Variants in MFHAS1 observed in about 807,000 individuals in gnomAD.
MFHAS1 encodes malignant fibrous histiocytoma-amplified sequence 1.
Under a neutral mutation model 70.4 loss-of-function variants are expected in MFHAS1, and 50 were observed. That is an observed-to-expected ratio of 0.71 (90% CI 0.57 to 0.90). MFHAS1 has a LOEUF of 0.90. MFHAS1 is among the 40% of genes least tolerant of loss of function. The probability of loss-of-function intolerance (pLI) is 0.00; values close to 1 mark genes in which losing one functional copy is unlikely to be tolerated. For missense variants in MFHAS1, 1,795 were observed against 1,347.6 expected, an observed-to-expected ratio of 1.33 and a Z score of -5.20; for synonymous variants, 952 against 620.0, an observed-to-expected ratio of 1.54 and a Z score of -7.96.
rs1431408598 is a variant in MFHAS1, at chr8:8,890,533, A to T, written c.2526T>A (p.Asn842Lys). The T allele has an allele frequency of 6.2e-7, 1 of 1,613,552 alleles. No homozygotes were observed. Among genetic ancestry groups the T allele is most frequent in the Non-Finnish European group, 8.5e-7 (1 of 1,180,048 alleles). ...CLNKPKGKPL[N>K]GSTAWYKFPC... ...GGAACTTGTACCAAGCTGTGGACCC[A>T]TTCAAAGGCTTGCCCTTGGGTTTAT... Residue 842 changes from asparagine to lysine, a missense_variant, in exon 1 of 3, where the codon AAT (asparagine) becomes AAA (lysine). Physicochemically the swap from Asn to Lys is moderately conservative, Grantham distance 94 (BLOSUM62 0). Transcript: ENST00000276282.
In MFHAS1 at chr8:8,784,404, T is replaced by A. The variant is rs1304035598; in HGVS notation, c.*1618A>T. On this transcript the variant is annotated 3_prime_UTR_variant, in exon 3 of 3. Transcript: ENST00000276282. ...GAAATCTCAAACTTGAGGTGTCCTATTCAAGTATTAAAAAAATGCAAACAT... is the reference window on the plus strand; with the variant it reads ...GAAATCTCAAACTTGAGGTGTCCTAATCAAGTATTAAAAAAATGCAAACAT... 1 of 152,140 alleles carries A rather than the reference T, an allele frequency of 6.6e-6. No individual in the cohort carries two copies. The highest frequency in any genetic ancestry group is 1.5e-5 in the Non-Finnish European group (1 of 68,038). 9.4% of individuals were successfully genotyped at this position (152,140 alleles called of 1,614,324 possible). A position where few individuals can be genotyped will look rare whatever the true frequency, so the allele number is the denominator to read the frequency against.
chr8:8,849,662 G>A (rs949727837), intron 1 of MFHAS1, among the ~76,000 whole-genome samples: 2 of 152,222 alleles, frequency 1.3e-5, no homozygotes, highest in Non-Finnish European at 2.9e-5. Flanking sequence ...GAAATGAGCA[G>A]TCCAAGTGGA....
At chr8:8,797,885 G>C (rs776456759) in intron 1 of MFHAS1, among the ~76,000 whole-genome samples, 4 of 152,162 alleles carry the variant, frequency 2.6e-5, no homozygotes, top group East Asian at 3.9e-4. Flanking sequence ...ATTAGGATTT[G>C]GGGCAGATGG....
chr8:8,829,726 C>A lies in MFHAS1; in HGVS notation c.2999-32235G>T, dbSNP rs944837864. 3.3e-5 allele frequency among the ~76,000 whole-genome samples: 5 copies of A among 152,262 alleles called. No individual in the cohort carries two copies. The East Asian group carries it at 9.7e-4, about 29-fold the overall frequency. ...GCGAGATCTTTGAGAAAGGAGATTG[C>A]GTGGGGTATCCTCAGTGCCTGACAC... is the stretch of plus-strand genomic sequence containing the variant. On this transcript the variant is annotated intron_variant, in intron 1 of 2. Coordinates refer to ENST00000276282, the MANE Select transcript of MFHAS1 (RefSeq NM_004225.3).
chr8:8,828,816 G>A (rs1238695157), intron 1 of MFHAS1, among the ~76,000 whole-genome samples: 25 of 152,158 alleles, frequency 1.6e-4, no homozygotes, highest in Admixed American at 1.4e-3. Context: ...GGAGAACTGA[G>A]GGGACAGGAT....
intron 1 of MFHAS1, among the ~76,000 whole-genome samples, chr8:8,845,365 T>C (rs907181): frequency 0.51 from 77,082 of 152,056 alleles, 20,106 homozygotes; most frequent in East Asian, 0.73. Flanking sequence ...CAGAAAATCA[T>C]ATTCCTTTTC....
At chr8:8,880,739 T>C (rs566395734) in intron 1 of MFHAS1, among the ~76,000 whole-genome samples, 7 of 151,506 alleles carry the variant, frequency 4.6e-5, no homozygotes, top group Admixed American at 1.3e-4. Flanking sequence ...GGTTGGAGTA[T>C]AGCGGCGCAA....
chr8:8,859,202 G>C lies in MFHAS1; in HGVS notation c.2998+30859C>G, dbSNP rs543915288. Among the ~76,000 whole-genome samples, 24 of 152,202 alleles carry C rather than the reference G, an allele frequency of 1.6e-4. No homozygotes were observed. The East Asian group carries it at 4.1e-3, about 26-fold the overall frequency. ...ACCCCGTCTCTACAAAAATTACATGGGTGTAGTGGCACACGCCTGTAGTCC... is the reference window on the plus strand; with the variant it reads ...ACCCCGTCTCTACAAAAATTACATGCGTGTAGTGGCACACGCCTGTAGTCC... On this transcript the variant is annotated intron_variant, in intron 1 of 2. Transcript: ENST00000276282.
intron 1 of MFHAS1, among the ~76,000 whole-genome samples, chr8:8,819,608 C>CAAAAAA (rs201326485): frequency 1.3e-4 from 12 of 91,202 alleles, no homozygotes; most frequent in Admixed American, 2.8e-4. Context: ...CAACTCAAAA[C>CAAAAAA]AAAAAAAAAA....
intron 1 of MFHAS1, among the ~76,000 whole-genome samples, chr8:8,800,577 AC>A (rs1221022587): frequency 1.3e-5 from 2 of 152,094 alleles, no homozygotes; most frequent in Non-Finnish European, 2.9e-5. Flanking sequence ...CAGGACTCCA[AC>A]GAGAAGTTGC....
At chr8:8,825,590 C>G (rs887005079) in intron 1 of MFHAS1, among the ~76,000 whole-genome samples, 2 of 152,154 alleles carry the variant, frequency 1.3e-5, no homozygotes, top group African/African-American at 4.8e-5. Flanking sequence ...TGCCTTCTCC[C>G]GGTGTCTTCA....
chr8:8,791,819 C>T (rs1049404762), intron 2 of MFHAS1, among the ~76,000 whole-genome samples: 7 of 152,150 alleles, frequency 4.6e-5, no homozygotes, highest in Admixed American at 3.3e-4. Flanking sequence ...AAAGGAGGAG[C>T]TCTCCAAGCA....
chr8:8,786,432 G>A (rs1404474981), intron 2 of MFHAS1, among the ~76,000 whole-genome samples: 1 of 152,126 alleles, frequency 6.6e-6, no homozygotes, highest in African/African-American at 2.4e-5. Context: ...GTCACACGCA[G>A]ACACACACCA....
chr8:8,788,235 T>G (rs567857335), intron 2 of MFHAS1, among the ~76,000 whole-genome samples: 6 of 152,388 alleles, frequency 3.9e-5, no homozygotes, highest in Non-Finnish European at 5.9e-5. Flanking sequence ...TAGTTCTTTA[T>G]GTATCCTCAA....
chr8:8,858,456 G>C (rs1808534101), intron 1 of MFHAS1, among the ~76,000 whole-genome samples: 1 of 151,992 alleles, frequency 6.6e-6, no homozygotes, highest in Admixed American at 6.6e-5. Flanking sequence ...AGCCTAGGAA[G>C]GGTTCAACAA....
At chr8:8,812,832 T>A (rs1394200378) in intron 1 of MFHAS1, among the ~76,000 whole-genome samples, 1 of 152,130 alleles carries the variant, frequency 6.6e-6, no homozygotes, top group Non-Finnish European at 1.5e-5. Flanking sequence ...AGTGGAGTGA[T>A]CTGAGCTCAC....
At chr8:8,872,789 A>T (rs936057238) in intron 1 of MFHAS1, among the ~76,000 whole-genome samples, 5 of 152,170 alleles carry the variant, frequency 3.3e-5, no homozygotes, top group African/African-American at 9.7e-5. Context: ...AAAATAAAAA[A>T]AAAGATGGGA....
rs1035860293 is a variant in MFHAS1 at position 8,892,916 on chromosome 8, A to G, written c.143T>C (p.Leu48Pro). The stretch of plus-strand genomic sequence containing the variant: ...GAGCTGGGGGGAGGCGGGGGACTCG[A>G]GCGCGTCGGCCCCGGCCCCGGGGCA... ...GACPGAGADA[L>P]ESPASPQLVL... Residue 48 changes from leucine to proline, a missense_variant, in exon 1 of 3, where the codon CTC becomes CCC. Leu to Pro is a moderately conservative substitution (Grantham distance 98, BLOSUM62 -3). Coordinates refer to ENST00000276282, the MANE Select transcript of MFHAS1 (RefSeq NM_004225.3). The surrounding 1 kb of genome is among the most constrained non-coding windows in gnomAD (Gnocchi z 4.7). 9.0e-6 allele frequency: 14 copies of G among 1,560,816 alleles called. No homozygotes were observed. Among genetic ancestry groups the G allele is most frequent in the South Asian group, 2.4e-5 (2 of 84,760 alleles).
chr8:8,788,673 T>C (rs1160182373), intron 2 of MFHAS1, among the ~76,000 whole-genome samples: 2 of 152,210 alleles, frequency 1.3e-5, no homozygotes, highest in Non-Finnish European at 2.9e-5. Flanking sequence ...ACCAAGACTC[T>C]GTCTCAAACA....
Sources: allele counts gnomAD v4.1 joint callset (sites outside exome capture counted in the v4.1 genomes callset), GRCh38; gene constraint gnomAD v4.1.1; non-coding constraint Gnocchi (gnomAD v3.1); transcripts MANE v1.5; gene names NCBI Gene and HGNC (gene_info 2026-07-23, HGNC 2026-07-21).